The following TFPI variants were observed in gnomAD, a reference collection of about 807,000 sequenced individuals.
TFPI encodes the protein tissue factor pathway inhibitor.
Under a neutral mutation model 34.6 loss-of-function variants are expected in TFPI, and 15 were observed. The observed-to-expected ratio is 0.43, with a 90% CI of 0.29 to 0.67. The LOEUF (loss-of-function observed/expected upper bound fraction) is 0.67. Ranked by LOEUF, TFPI falls within the 30% of genes least tolerant of loss-of-function variation. The pLI is 0.15. For missense variants in TFPI, 301 were observed against 364.0 expected (o/e 0.83, Z 1.41); for synonymous variants, 105 against 120.1 (o/e 0.87, Z 0.82).
intron 6 of TFPI, among the ~76,000 whole-genome samples, chr2:187,472,724 A>C (rs1040178018): frequency 9.9e-5 from 15 of 152,214 alleles, no homozygotes; most frequent in Admixed American, 9.8e-4. Context: ...AAACAAAGAA[A>C]GACACGGCCA....
intron 1 of TFPI, among the ~76,000 whole-genome samples, chr2:187,534,542 C>G (rs1035838436): frequency 6.6e-6 from 1 of 152,148 alleles, no homozygotes; most frequent in Non-Finnish European, 1.5e-5. Flanking sequence ...CACCACCAAG[C>G]TTGCCTTACA....
At chr2:187,551,484 A>T (rs977121153) in intron 1 of TFPI, among the ~76,000 whole-genome samples, 2 of 152,188 alleles carry the variant, frequency 1.3e-5, no homozygotes, top group African/African-American at 4.8e-5. Flanking sequence ...AGCTACTGGT[A>T]GTTGAATCTC....
intron 4 of TFPI, among the ~76,000 whole-genome samples, chr2:187,486,423 T>C (rs574885462): frequency 6.6e-6 from 1 of 151,562 alleles, no homozygotes; most frequent in African/African-American, 2.4e-5. Context: ...GTATAAAAAA[T>C]TATGCTGATA....
chr2:187,503,576 T>C, intron 2 of TFPI, 72 bp downstream of exon 2: 1 of 1,546,234 alleles, frequency 6.5e-7, no homozygotes, highest in African/African-American at 1.4e-5. Flanking sequence ...AATGGAAAAC[T>C]ATGGTAGATT....
intron 3 of TFPI, among the ~76,000 whole-genome samples, chr2:187,492,755 A>G (rs1685206453): frequency 6.6e-6 from 1 of 151,800 alleles, no homozygotes; most frequent in African/African-American, 2.4e-5. Flanking sequence ...GAACAGCTGT[A>G]TTTACCCAAT....
intron 4 of TFPI, among the ~76,000 whole-genome samples, chr2:187,487,309 T>C (rs1693344954): frequency 6.8e-6 from 1 of 147,710 alleles, no homozygotes; most frequent in South Asian, 2.2e-4. Context: ...TTAATATTTA[T>C]AGGAATCTAT....
At chr2:187,506,675 A>G (rs1490895370) in intron 1 of TFPI, among the ~76,000 whole-genome samples, 1 of 152,082 alleles carries the variant, frequency 6.6e-6, no homozygotes, top group African/African-American at 2.4e-5. Flanking sequence ...TTTGCAGGGT[A>G]TCCCCTTAAT....
At chr2:187,498,428 TA>T in intron 2 of TFPI, among the ~76,000 whole-genome samples, 1 of 151,918 alleles carries the variant, frequency 6.6e-6, no homozygotes, top group African/African-American at 2.4e-5. Flanking sequence ...TTAGTAATGT[TA>T]AAACTTTTTG....
At chr2:187,497,414 C>G (rs1369142897) in intron 2 of TFPI, among the ~76,000 whole-genome samples, 2 of 152,014 alleles carry the variant, frequency 1.3e-5, no homozygotes, top group Admixed American at 6.6e-5. Flanking sequence ...CTTTGAATTT[C>G]TCTCCCTAAC....
intron 2 of TFPI, among the ~76,000 whole-genome samples, chr2:187,503,143 CTT>C (rs1393806709): frequency 1.3e-5 from 2 of 151,834 alleles, no homozygotes; most frequent in Non-Finnish European, 2.9e-5. Flanking sequence ...TTAGATCTAA[CTT>C]ATATTACTAG....
chr2:187,488,454 A>T, intron 3 of TFPI, 79 bp from the exon 4 acceptor site: 1 of 914,074 alleles, frequency 1.1e-6, no homozygotes, highest in Non-Finnish European at 1.6e-6. Context: ...AACAAACAAG[A>T]GTGACATATT....
intron 1 of TFPI, among the ~76,000 whole-genome samples, chr2:187,543,322 T>C (rs1400194156): frequency 6.6e-6 from 1 of 152,242 alleles, no homozygotes; most frequent in Admixed American, 6.5e-5. Flanking sequence ...CCGAATTTAA[T>C]ATACACTAAG....
intron 1 of TFPI, chr2:187,547,478 G>A (rs1688926226): frequency 1.3e-5 from 2 of 152,098 alleles, no homozygotes; most frequent in Non-Finnish European, 2.9e-5. Flanking sequence ...ACAAGTATCT[G>A]GGAGGGGTCT....
At chr2:187,511,999 AC>A (rs1686673443) in intron 1 of TFPI, among the ~76,000 whole-genome samples, 1 of 152,176 alleles carries the variant, frequency 6.6e-6, no homozygotes, top group Admixed American at 6.5e-5. Context: ...TAAATTTAAA[AC>A]CTATAATTGA....
intron 1 of TFPI, 136 bp from the exon 2 acceptor site, chr2:187,503,906 T>G (rs1163341788): frequency 2.3e-6 from 2 of 869,774 alleles, no homozygotes; most frequent in Non-Finnish European, 1.7e-6. Context: ...CATTTCTCTG[T>G]GCATACTCAA....
chr2:187,465,453 G>C lies in TFPI; in HGVS notation c.*1483C>G, dbSNP rs187656817. The C allele has an allele frequency of 3.0e-4, 41 of 135,012 alleles. No individual in the cohort carries two copies. The highest frequency in any genetic ancestry group is 1.0e-3 in the African/African-American group (39 of 37,506). 8.4% of individuals were successfully genotyped at this position (135,012 alleles called of 1,614,324 possible). On this transcript the variant is annotated 3_prime_UTR_variant, in exon 8 of 8. Transcript: ENST00000233156. The stretch of plus-strand genomic sequence containing the variant: ...GCACTCCAGCCTGGGTGACAGAGTG[G>C]GACCCTGTCTAAAAAAACATAACAA...
Position 187,467,764 on chromosome 2 carries a change from G to A in TFPI, c.797C>T (p.Ala266Val). 6.3e-7 allele frequency: 1 copy of A among 1,599,500 alleles called. No individual in the cohort carries two copies. The highest frequency in any genetic ancestry group is 8.5e-7 in the Non-Finnish European group (1 of 1,174,080). ...AGTATCTTCTATACCTTTTTTACAT[G>A]CCCTCAGACATTCTTGTTTGGAAGT... ...NFTSKQECLRACKKGFIQRIS... is the reference protein window; with the variant it reads ...NFTSKQECLRVCKKGFIQRIS... The change falls in exon 7 of 8, where the codon GCA (alanine) becomes GTA (valine). Residue 266 changes from alanine (A) to valine (V), a missense_variant. Transcript: ENST00000233156.
At chr2:187,496,624 A>C (rs573552536) in intron 3 of TFPI, among the ~76,000 whole-genome samples, 1 of 152,152 alleles carries the variant, frequency 6.6e-6, no homozygotes, top group South Asian at 2.1e-4. Flanking sequence ...AAATTTGATA[A>C]TTTGCTTTAA....
intron 1 of TFPI, among the ~76,000 whole-genome samples, chr2:187,531,926 A>AT (rs68040026): frequency 6.6e-5 from 10 of 151,596 alleles, no homozygotes; most frequent in East Asian, 1.9e-4. Flanking sequence ...TTTATTTAAA[A>AT]TTTTTTTTTC....
Sources: gnomAD v4.1 joint callset for allele counts (sites outside exome capture counted in the v4.1 genomes callset) on GRCh38, gnomAD v4.1.1 for gene constraint, MANE v1.5 for transcripts, NCBI Gene and HGNC (gene_info 2026-07-23, HGNC 2026-07-21) for gene names.